KIF16B: variants seen among roughly 807,000 people sequenced by gnomAD.
The protein encoded by KIF16B is kinesin family member 16B.
KIF16B carries 98 observed loss-of-function variants against 156.3 expected under a neutral mutation model. The observed-to-expected ratio is 0.63, with a 90% confidence interval of 0.53 to 0.74. The LOEUF is 0.74. Ranked by LOEUF, KIF16B falls within the 30% of genes least tolerant of loss-of-function variation. The pLI, the probability that KIF16B is intolerant of heterozygous loss-of-function variation, is 0.00. For synonymous variants in KIF16B, 564 were observed against 583.7 expected, an observed-to-expected ratio of 0.97 and a Z score of 0.49; for missense variants, 1,421 against 1,606.5, an observed-to-expected ratio of 0.88 and a Z score of 1.97.
At chr20:16,487,004 A>G (rs1054548341) in intron 12 of KIF16B, among the ~76,000 whole-genome samples, 2 of 152,150 alleles carry the variant, frequency 1.3e-5, no homozygotes, top group Non-Finnish European at 2.9e-5. Flanking sequence ...CTATAATCTC[A>G]GCAGTTTGGG....
intron 23 of KIF16B, among the ~76,000 whole-genome samples, chr20:16,351,085 G>A (rs533235568): frequency 2.0e-4 from 31 of 152,276 alleles, no homozygotes; most frequent in African/African-American, 7.0e-4. Flanking sequence ...GGGCACTACT[G>A]CAGATGACCA....
chr20:16,499,650 A>G (rs2068558696), intron 10 of KIF16B, among the ~76,000 whole-genome samples: 1 of 152,228 alleles, frequency 6.6e-6, no homozygotes, highest in Admixed American at 6.5e-5. Flanking sequence ...GCCCTTTATA[A>G]CGTGGGTAAT....
chr20:16,513,327 A>T lies in KIF16B; in HGVS notation c.349-404T>A, dbSNP rs147323407. Among the ~76,000 whole-genome samples, 239 of 152,330 alleles carry T rather than the reference A, an allele frequency of 1.6e-3. 7 individuals carry two copies. In the East Asian group the frequency reaches 0.036, roughly 23 times the overall value. On this transcript the variant is annotated intron_variant, in intron 4 of 25. Transcript: ENST00000354981. ...AAACTTAGCAATCCCCACGGTAGTT[A>T]ATAATTGCCTTAAAAACTTAGGTAA...
intron 12 of KIF16B, among the ~76,000 whole-genome samples, chr20:16,443,019 G>GAAAATCC (rs2066844183): frequency 6.6e-6 from 1 of 152,120 alleles, no homozygotes; most frequent in African/African-American, 2.4e-5. Context: ...ACCCCAATCT[G>GAAAATCC]AAAATCCAAA....
At position 16,533,484 on chromosome 20, in the gene KIF16B, A is replaced by T. The variant is rs1300004283; in HGVS notation, c.48-5044T>A. Among the ~76,000 whole-genome samples, 3 of 152,252 alleles carry T rather than the reference A, an allele frequency of 2.0e-5. No individual in the cohort carries two copies. The South Asian group carries it at 6.2e-4, about 31-fold the overall frequency. ...TATGACATAGTAATAGATGGGTCTTAGGTTTACCCTTATGAAATAAACTAC... is the reference window on the plus strand; with the variant it reads ...TATGACATAGTAATAGATGGGTCTTTGGTTTACCCTTATGAAATAAACTAC... On this transcript the variant is annotated intron_variant, in intron 1 of 25. Coordinates refer to ENST00000354981, the MANE Select transcript of KIF16B (RefSeq NM_024704.5).
intron 4 of KIF16B, among the ~76,000 whole-genome samples, chr20:16,513,443 G>C (rs1024010725): frequency 2.6e-5 from 4 of 152,028 alleles, no homozygotes; most frequent in African/African-American, 9.7e-5. Context: ...TGGATCACCT[G>C]AGGTCAGGAG....
At chr20:16,382,113 C>A in intron 17 of KIF16B, 2 of 1,354,592 alleles carry the variant, frequency 1.5e-6, no homozygotes, top group Non-Finnish European at 2.0e-6. Context: ...ACAGATGGGT[C>A]CTTTTATAGG....
At position 16,573,312 on chromosome 20, in the gene KIF16B, G is replaced by A. The variant is rs1369335060; in HGVS notation, c.-37C>T. The A allele has an allele frequency of 6.2e-7, 1 of 1,606,850 alleles. No homozygotes were observed. Among genetic ancestry groups the A allele is most frequent in the Admixed American group, 1.7e-5 (1 of 59,600 alleles). On this transcript the variant is annotated 5_prime_UTR_variant, in exon 1 of 26. Transcript: ENST00000354981. Reference sequence around the variant, plus strand: ...AACCAGCCCGCGCGGGGTCCCACTAGCCCAGAACTCCGCGGTCGCCGGCGA... The same window carrying A: ...AACCAGCCCGCGCGGGGTCCCACTAACCCAGAACTCCGCGGTCGCCGGCGA...
intron 24 of KIF16B, among the ~76,000 whole-genome samples, chr20:16,317,246 C>A (rs13043684): frequency 0.035 from 5,332 of 152,214 alleles, 109 homozygotes; most frequent in African/African-American, 0.045. Flanking sequence ...CAGTGAATGA[C>A]AATCTGTAGG....
chr20:16,566,642 A>G (rs560559990), intron 1 of KIF16B, among the ~76,000 whole-genome samples: 30 of 152,308 alleles, frequency 2.0e-4, no homozygotes, highest in Non-Finnish European at 3.7e-4. Flanking sequence ...AGATGAAGAA[A>G]CTGAGGCACA....
intron 12 of KIF16B, among the ~76,000 whole-genome samples, chr20:16,478,459 A>T (rs143036054): frequency 3.3e-5 from 5 of 152,310 alleles, no homozygotes; most frequent in Admixed American, 6.5e-5. Flanking sequence ...CCAAGGTTTC[A>T]GTTACCCACC....
intron 1 of KIF16B, among the ~76,000 whole-genome samples, chr20:16,546,966 AG>A (rs1244171799): frequency 2.0e-5 from 3 of 151,996 alleles, no homozygotes; most frequent in African/African-American, 7.3e-5. Flanking sequence ...TAGTAGAGAC[AG>A]GGTTTTGCCA....
chr20:16,531,726 C>T (rs996066478), intron 1 of KIF16B, among the ~76,000 whole-genome samples: 4 of 152,070 alleles, frequency 2.6e-5, no homozygotes, highest in African/African-American at 4.8e-5. Context: ...AAGAATATAA[C>T]GATGAAAGGG....
rs1054042644 is a variant in KIF16B at position 16,511,639 on chromosome 20, C to T, written c.447-112G>A. ...CATAAATGGCCACAGCAGCAGTTAC[C>T]ATTTATGAGTGGTGACTGTGTATCA... On this transcript the variant is annotated intron_variant, in intron 5 of 25. Transcript: ENST00000354981. 4 of 632,388 alleles carry T rather than the reference C, an allele frequency of 6.3e-6. No homozygotes were observed. In the Admixed American group the frequency reaches 1.0e-4, roughly 16 times the overall value. The allele number at this position is 632,388 out of a possible 1,614,324, so 39.2% of individuals were successfully genotyped here.
At chr20:16,371,097 T>G (rs1172971763) in intron 21 of KIF16B, among the ~76,000 whole-genome samples, 1 of 150,242 alleles carries the variant, frequency 6.7e-6, no homozygotes, top group African/African-American at 2.4e-5. Flanking sequence ...TTATAATCAC[T>G]TAAAAGTTGT....
intron 22 of KIF16B, among the ~76,000 whole-genome samples, chr20:16,360,635 T>C (rs898781407): frequency 1.3e-5 from 2 of 152,212 alleles, no homozygotes; most frequent in African/African-American, 2.4e-5. Flanking sequence ...ATTACATATC[T>C]GTACATAAGA....
intron 25 of KIF16B, among the ~76,000 whole-genome samples, chr20:16,282,204 G>A (rs976304882): frequency 6.6e-6 from 1 of 151,740 alleles, no homozygotes; most frequent in Non-Finnish European, 1.5e-5. Context: ...GCTAATTTTT[G>A]TATTTTTTAG....
intron 12 of KIF16B, among the ~76,000 whole-genome samples, chr20:16,459,482 C>T (rs1257372472): frequency 6.6e-6 from 1 of 152,144 alleles, no homozygotes; most frequent in East Asian, 1.9e-4. Flanking sequence ...CTGTGGAGTA[C>T]AGCACACTGT....
In KIF16B at chr20:16,321,038, A is replaced by G. The variant is rs537382271; in HGVS notation, c.3712-8620T>C. ...TGTAATGTTTATACTTAAAAATACC[A>G]TATCTAGAATAAACACAATGTCGTA... On this transcript the variant is annotated intron_variant, in intron 24 of 25. Coordinates refer to ENST00000354981, the MANE Select transcript of KIF16B (RefSeq NM_024704.5). Among the ~76,000 whole-genome samples, 13 of 152,268 alleles carry G rather than the reference A, an allele frequency of 8.5e-5. 1 individual carries two copies. In the South Asian group the frequency reaches 1.2e-3, roughly 15 times the overall value.
Sources: gnomAD v4.1 joint callset for allele counts (sites outside exome capture counted in the v4.1 genomes callset) on GRCh38, gnomAD v4.1.1 for gene constraint, MANE v1.5 for transcripts, NCBI Gene and HGNC (gene_info 2026-07-23, HGNC 2026-07-21) for gene names.